The following BABAM2 variants were observed in gnomAD, a reference collection of about 807,000 sequenced individuals.
The protein encoded by BABAM2 is BRISC and BRCA1 A complex member 2, also known as BRISC and BRCA1-A complex member 2.
BABAM2 carries 31 observed loss-of-function variants against 54.7 expected under a neutral mutation model. That is an observed-to-expected ratio of 0.57 (90% CI 0.43 to 0.77). The LOEUF (loss-of-function observed/expected upper bound fraction) is 0.77, where lower values mean the gene tolerates loss of function less well. BABAM2 is among the 30% of genes least tolerant of loss of function. The pLI is 0.00. For synonymous variants in BABAM2, 167 were observed against 162.9 expected, an observed-to-expected ratio of 1.03 and a Z score of -0.19; for missense variants, 364 against 455.8, an observed-to-expected ratio of 0.80 and a Z score of 1.83.
chr2:28,145,582 C>T (rs2147759186), intron 7 of BABAM2, among the ~76,000 whole-genome samples: 1 of 152,276 alleles, frequency 6.6e-6, no homozygotes, highest in African/African-American at 2.4e-5. Context: ...TTTTATTGAG[C>T]TATAATTCCT....
intron 6 of BABAM2, among the ~76,000 whole-genome samples, chr2:28,101,861 A>G (rs111534867): frequency 6.6e-6 from 1 of 152,158 alleles, no homozygotes; most frequent in Admixed American, 6.6e-5. Context: ...AAGTTAAAAA[A>G]TCATATTTCC....
intron 10 of BABAM2, among the ~76,000 whole-genome samples, chr2:28,273,353 C>A (rs992578078): frequency 6.6e-6 from 1 of 152,192 alleles, no homozygotes; most frequent in African/African-American, 2.4e-5. Context: ...TCTCTTCTCT[C>A]CTCTCCCTGT....
chr2:27,910,079 T>C (rs1666468720), intron 2 of BABAM2, among the ~76,000 whole-genome samples: 1 of 152,238 alleles, frequency 6.6e-6, no homozygotes, highest in Non-Finnish European at 1.5e-5. Flanking sequence ...AGTTCTCCCT[T>C]GTTCTTTTCT....
At chr2:28,092,749 C>CT (rs1666259553) in intron 6 of BABAM2, among the ~76,000 whole-genome samples, 1 of 146,820 alleles carries the variant, frequency 6.8e-6, no homozygotes, top group South Asian at 2.2e-4. Context: ...TTCGTCTCTG[C>CT]CTCTCTCTCT....
Position 28,313,675 on chromosome 2 carries a change from A to G in BABAM2, c.1088+15184A>G, listed in dbSNP as rs1310683555. ...TTTCCTAGTTGATCCAGAAGCAACT[A>G]GTAAGCCTACAGTCTGTGTGTAGCT... On this transcript the variant is annotated intron_variant, in intron 11 of 11. Coordinates refer to ENST00000379624, the MANE Select transcript of BABAM2 (RefSeq NM_199191.3). Among the ~76,000 whole-genome samples, 3 of 152,362 alleles carry G rather than the reference A, an allele frequency of 2.0e-5. No homozygotes were observed. In the East Asian group the frequency reaches 5.8e-4, roughly 29 times the overall value.
At chr2:28,061,457 C>T (rs138344658) in intron 6 of BABAM2, among the ~76,000 whole-genome samples, 2 of 151,172 alleles carry the variant, frequency 1.3e-5, no homozygotes, top group African/African-American at 2.4e-5. Flanking sequence ...TGGTGGCGGG[C>T]GCCTGTAGTC....
intron 10 of BABAM2, among the ~76,000 whole-genome samples, chr2:28,291,720 G>C (rs907011837): frequency 6.6e-6 from 1 of 152,198 alleles, no homozygotes; most frequent in African/African-American, 2.4e-5. Context: ...TCACTTAAAA[G>C]AAAGGTAGTG....
At chr2:28,275,203 A>T (rs1685771829) in intron 10 of BABAM2, among the ~76,000 whole-genome samples, 1 of 152,230 alleles carries the variant, frequency 6.6e-6, no homozygotes, top group African/African-American at 2.4e-5. Flanking sequence ...GGCCATTTGG[A>T]TGAAGCCAAC....
chr2:28,157,224 A>G (rs1026200587), intron 7 of BABAM2, among the ~76,000 whole-genome samples: 18 of 152,322 alleles, frequency 1.2e-4, no homozygotes, highest in African/African-American at 4.3e-4. Flanking sequence ...TCAAGTGCCT[A>G]CTATATGAAG....
chr2:27,981,982 T>TA (rs1186457996), intron 3 of BABAM2, among the ~76,000 whole-genome samples: 1 of 152,204 alleles, frequency 6.6e-6, no homozygotes, highest in Non-Finnish European at 1.5e-5. Context: ...CAGCAGTGTA[T>TA]AAGTGTTCCA....
chr2:28,217,068 G>A (rs1212302147), intron 7 of BABAM2, among the ~76,000 whole-genome samples: 4 of 152,036 alleles, frequency 2.6e-5, no homozygotes, highest in Non-Finnish European at 4.4e-5. Context: ...GCCACCTGCC[G>A]TCTGCCCTCA....
intron 10 of BABAM2, among the ~76,000 whole-genome samples, chr2:28,255,202 C>T (rs189396202): frequency 5.5e-4 from 83 of 152,120 alleles, no homozygotes; most frequent in Admixed American, 3.7e-3. Flanking sequence ...AGTAAGAATC[C>T]GTGAATCTTG....
At chr2:27,910,359 C>T (rs1388234674) in intron 2 of BABAM2, among the ~76,000 whole-genome samples, 1 of 150,802 alleles carries the variant, frequency 6.6e-6, no homozygotes, top group Non-Finnish European at 1.5e-5. Context: ...GTTGTTGCTA[C>T]TTCCCTCCCC....
At chr2:28,151,667 C>G (rs1672049938) in intron 7 of BABAM2, among the ~76,000 whole-genome samples, 1 of 74,580 alleles carries the variant, frequency 1.3e-5, no homozygotes, top group African/African-American at 4.9e-5. Context: ...TGAGTTAAAA[C>G]TAATTACTAA....
intron 10 of BABAM2, among the ~76,000 whole-genome samples, chr2:28,279,485 C>T (rs1286886855): frequency 6.6e-6 from 1 of 152,084 alleles, no homozygotes; most frequent in Non-Finnish European, 1.5e-5. Context: ...TTCGTGCAGC[C>T]TCCTGTTTTA....
chr2:27,999,083 T>C (rs750781214), intron 4 of BABAM2, among the ~76,000 whole-genome samples: 72 of 152,186 alleles, frequency 4.7e-4, no homozygotes, highest in Non-Finnish European at 8.5e-4. Context: ...TTTTGTCTTC[T>C]GTACATTTGT....
At chr2:28,275,822 T>C (rs1680865489) in intron 10 of BABAM2, among the ~76,000 whole-genome samples, 1 of 152,172 alleles carries the variant, frequency 6.6e-6, no homozygotes, top group African/African-American at 2.4e-5. Flanking sequence ...GAGTCTTTGC[T>C]TAAGCTACAG....
intron 4 of BABAM2, among the ~76,000 whole-genome samples, chr2:27,994,594 A>G (rs965454492): frequency 1.3e-5 from 2 of 152,088 alleles, no homozygotes; most frequent in East Asian, 1.9e-4. Flanking sequence ...CTTTCACTCA[A>G]TGTTTATTTG....
chr2:28,175,290 C>T (rs530345112), intron 7 of BABAM2, among the ~76,000 whole-genome samples: 1 of 152,298 alleles, frequency 6.6e-6, no homozygotes, highest in East Asian at 1.9e-4. Flanking sequence ...ACAGGCTTTG[C>T]CTGCTTATAA....
Sources: gnomAD v4.1 joint callset for allele counts (sites outside exome capture counted in the v4.1 genomes callset) on GRCh38, gnomAD v4.1.1 for gene constraint, MANE v1.5 for transcripts, NCBI Gene and HGNC (gene_info 2026-07-23, HGNC 2026-07-21) for gene names.